CDKN2B-AS1: variants seen among roughly 807,000 people sequenced by gnomAD.
CDKN2B-AS1 encodes CDKN2B antisense RNA 1 (non-protein coding).
chr9:22,056,429 G>A (rs1017251580), intron 4 of CDKN2B-AS1: 2 of 151,924 alleles, frequency 1.3e-5, no homozygotes, highest in South Asian at 2.1e-4. Flanking sequence ...AGGAGCAAAA[G>A]CACAGTGGTG....
At chr9:22,042,886 A>G (rs1025595588) in intron 1 of CDKN2B-AS1, among the ~76,000 whole-genome samples, 1 of 152,124 alleles carries the variant, frequency 6.6e-6, no homozygotes, top group Non-Finnish European at 1.5e-5. Flanking sequence ...TATCCTTAAT[A>G]TGTATGACTG....
intron 4 of CDKN2B-AS1, among the ~76,000 whole-genome samples, chr9:22,057,076 A>T (rs2131291970): frequency 6.6e-6 from 1 of 152,308 alleles, no homozygotes; most frequent in South Asian, 2.1e-4. Context: ...CAAATAGGTA[A>T]CTGCTGTTTT....
intron 4 of CDKN2B-AS1, among the ~76,000 whole-genome samples, chr9:22,078,943 TTTAC>T (rs1824594360): frequency 6.6e-6 from 1 of 152,206 alleles, no homozygotes; most frequent in Admixed American, 6.5e-5. Flanking sequence ...GGCACTCACT[TTTAC>T]TGAGTTTGTT....
chr9:21,998,528 A>G lies in CDKN2B-AS1; in HGVS notation n.29+3367A>G, dbSNP rs1177786351. Among the ~76,000 whole-genome samples, 3 of 152,346 alleles carry G rather than the reference A, an allele frequency of 2.0e-5. No homozygotes were observed. In the East Asian group the frequency reaches 5.8e-4, roughly 29 times the overall value. Reference sequence around the variant, plus strand: ...TCTGTTGTCCCAAAGGCCAGGGTCAATAGGGAGTGAGTTATCTGTGGGTCA... The same window carrying G: ...TCTGTTGTCCCAAAGGCCAGGGTCAGTAGGGAGTGAGTTATCTGTGGGTCA... On this transcript the variant is annotated intron_variant and non_coding_transcript_variant, in intron 1 of 4. Transcript: ENST00000650946.
chr9:22,092,802 G>A (rs1375071476), intron 4 of CDKN2B-AS1, among the ~76,000 whole-genome samples: 1 of 151,994 alleles, frequency 6.6e-6, no homozygotes, highest in Non-Finnish European at 1.5e-5. Context: ...TTTTTGGAGG[G>A]TTTTTTGTGT....
intron 1 of CDKN2B-AS1, among the ~76,000 whole-genome samples, chr9:22,023,905 T>A (rs950185386): frequency 2.0e-5 from 3 of 152,226 alleles, no homozygotes; most frequent in African/African-American, 4.8e-5. Context: ...GCGAACTTCA[T>A]TCCTATCCAT....
chr9:22,125,236 A>C, intron 4 of CDKN2B-AS1, among the ~76,000 whole-genome samples: 1 of 152,256 alleles, frequency 6.6e-6, no homozygotes, highest in Non-Finnish European at 1.5e-5. Flanking sequence ...AAGTAAAAAA[A>C]GAATGGGCTG....
intron 4 of CDKN2B-AS1, among the ~76,000 whole-genome samples, chr9:22,108,635 T>A (rs1431543927): frequency 6.6e-6 from 1 of 152,204 alleles, no homozygotes; most frequent in Admixed American, 6.5e-5. Flanking sequence ...ATACTTGGTG[T>A]ACAACTCATC....
intron 3 of CDKN2B-AS1, among the ~76,000 whole-genome samples, chr9:22,054,603 T>C (rs994274078): frequency 6.6e-6 from 1 of 152,010 alleles, no homozygotes; most frequent in Non-Finnish European, 1.5e-5. Context: ...ATTACAAAAA[T>C]ATCAAATGAT....
At position 22,005,917 on chromosome 9, in the gene CDKN2B-AS1, A is replaced by G; in HGVS notation, n.29+10756A>G. 1 of 1,572,516 alleles carries G rather than the reference A, an allele frequency of 6.4e-7. No individual in the cohort carries two copies. Among genetic ancestry groups the G allele is most frequent in the Non-Finnish European group, 8.6e-7 (1 of 1,165,590 alleles). ...CGCTCCCCGTTGGCAGCCTTCATCG[A>G]ATTAGGTGGGTGGGGGTGGGAAATT... On this transcript the variant is annotated intron_variant and non_coding_transcript_variant, in intron 1 of 4. Coordinates refer to ENST00000650946, the Ensembl canonical transcript of CDKN2B-AS1. The surrounding 1 kb of genome is among the most constrained non-coding windows in gnomAD (Gnocchi z 4.9).
intron 1 of CDKN2B-AS1, among the ~76,000 whole-genome samples, chr9:22,044,912 T>C (rs1470373722): frequency 1.3e-5 from 2 of 152,102 alleles, no homozygotes; most frequent in African/African-American, 4.8e-5. Context: ...AATACTACTC[T>C]ATATTCAAGT....
chr9:22,040,802 G>A (rs1055835355), intron 1 of CDKN2B-AS1, among the ~76,000 whole-genome samples: 12 of 152,016 alleles, frequency 7.9e-5, no homozygotes, highest in Middle Eastern at 3.2e-3. Context: ...AAACTCCCAT[G>A]CAGTCTGATT....
At chr9:22,085,401 G>C (rs576279866) in intron 4 of CDKN2B-AS1, among the ~76,000 whole-genome samples, 1 of 152,128 alleles carries the variant, frequency 6.6e-6, no homozygotes, top group Non-Finnish European at 1.5e-5. Flanking sequence ...ATCTTGTTCT[G>C]GCCCCACACC....
intron 4 of CDKN2B-AS1, among the ~76,000 whole-genome samples, chr9:22,101,868 C>T (rs1825496385): frequency 1.3e-5 from 2 of 152,260 alleles, no homozygotes; most frequent in Admixed American, 1.3e-4. Context: ...GTGGCTTGGG[C>T]TAGCAGACTG....
chr9:22,104,956 C>T (rs894782659), intron 4 of CDKN2B-AS1, among the ~76,000 whole-genome samples: 3 of 152,158 alleles, frequency 2.0e-5, no homozygotes, highest in African/African-American at 7.2e-5. Context: ...TTTATAATTA[C>T]TCTCTTTAGG....
intron 4 of CDKN2B-AS1, among the ~76,000 whole-genome samples, chr9:22,124,532 T>C (rs1817989517): frequency 6.6e-6 from 1 of 152,208 alleles, no homozygotes; most frequent in African/African-American, 2.4e-5. Context: ...CTCTCTTTAA[T>C]TGTAACGCCT....
intron 4 of CDKN2B-AS1, among the ~76,000 whole-genome samples, chr9:22,100,130 A>T (rs906107902): frequency 2.0e-5 from 3 of 152,196 alleles, no homozygotes. Flanking sequence ...TCTTTTAATT[A>T]TTCCTCTAAT....
intron 1 of CDKN2B-AS1, among the ~76,000 whole-genome samples, chr9:22,017,087 T>A (rs1426732731): frequency 6.6e-6 from 1 of 152,210 alleles, no homozygotes; most frequent in Non-Finnish European, 1.5e-5. Context: ...ATTAACTTTT[T>A]TTCAAAGAAT....
intron 4 of CDKN2B-AS1, among the ~76,000 whole-genome samples, chr9:22,110,175 T>TA (rs1376047532): frequency 6.6e-6 from 1 of 152,180 alleles, no homozygotes; most frequent in Non-Finnish European, 1.5e-5. Flanking sequence ...TCTTCTAAGA[T>TA]ATAGTTACTA....
Sources: allele counts gnomAD v4.1 joint callset (sites outside exome capture counted in the v4.1 genomes callset), GRCh38; gene constraint gnomAD v4.1.1; non-coding constraint Gnocchi (gnomAD v3.1); transcripts MANE v1.5; gene names NCBI Gene and HGNC (gene_info 2026-07-23, HGNC 2026-07-21).